Variants in ASH1L observed in about 807,000 individuals in gnomAD.
ASH1L encodes ASH1 like histone lysine methyltransferase.
ASH1L carries 23 observed loss-of-function variants against 269.0 expected under a neutral mutation model. The observed-to-expected ratio is 0.09, with a 90% confidence interval of 0.06 to 0.12. The LOEUF is 0.12. ASH1L is among the 10% of genes least tolerant of loss of function. The pLI is 1.00. For missense variants in ASH1L, 2,912 were observed against 3,567.8 expected (o/e 0.82, Z 4.68); for synonymous variants, 1,187 against 1,253.5 (o/e 0.95, Z 1.12).
At chr1:155,426,289 C>T (rs1386205180) in intron 5 of ASH1L, among the ~76,000 whole-genome samples, 3 of 151,788 alleles carry the variant, frequency 2.0e-5, no homozygotes, top group African/African-American at 4.8e-5. Context: ...AGGCTGGTCT[C>T]GAACTCCTGA....
chr1:155,514,848 G>C (rs958858253), intron 2 of ASH1L, among the ~76,000 whole-genome samples: 1 of 152,048 alleles, frequency 6.6e-6, no homozygotes, highest in Non-Finnish European at 1.5e-5. Context: ...AAGTTGCCGA[G>C]GAACTCGGCA....
intron 4 of ASH1L, among the ~76,000 whole-genome samples, chr1:155,454,420 G>A (rs987952159): frequency 6.6e-6 from 1 of 152,138 alleles, no homozygotes; most frequent in African/African-American, 2.4e-5. Context: ...CAAAGATTAT[G>A]GAAGCATTTT....
At chr1:155,521,046 A>T in intron 2 of ASH1L, 54 bp downstream of exon 2, 1 of 1,487,900 alleles carries the variant, frequency 6.7e-7, no homozygotes, top group Non-Finnish European at 9.1e-7. Flanking sequence ...ATAAAAATTA[A>T]TAGGGAAATG....
At chr1:155,388,543 C>G (rs1469641484) in intron 7 of ASH1L, among the ~76,000 whole-genome samples, 3 of 152,054 alleles carry the variant, frequency 2.0e-5, no homozygotes, top group Non-Finnish European at 4.4e-5. Flanking sequence ...CTCAAGCAAT[C>G]CAACAGCCTC....
chr1:155,502,199 T>G (rs1168661410), intron 2 of ASH1L, among the ~76,000 whole-genome samples: 1 of 150,772 alleles, frequency 6.6e-6, no homozygotes, highest in Non-Finnish European at 1.5e-5. Flanking sequence ...GCCTCCCGAG[T>G]AGCTGAGATT....
At chr1:155,525,843 G>A (rs1484584872) in intron 1 of ASH1L, among the ~76,000 whole-genome samples, 1 of 151,660 alleles carries the variant, frequency 6.6e-6, no homozygotes, top group Admixed American at 6.6e-5. Context: ...AAAATCTGAC[G>A]ATGCTCAAGT....
intron 7 of ASH1L, among the ~76,000 whole-genome samples, chr1:155,384,026 AAT>A (rs1657206007): frequency 6.6e-6 from 1 of 152,224 alleles, no homozygotes; most frequent in Non-Finnish European, 1.5e-5. Flanking sequence ...ATTGTATCTT[AAT>A]AAAGTTGCTA....
In ASH1L at chr1:155,488,068, G is replaced by A. The variant is rs570199970; in HGVS notation, c.421-5619C>T. On this transcript the variant is annotated intron_variant, in intron 2 of 27. Transcript: ENST00000392403. ...GGCCCAGCTAATTTTTGAATTTTTA[G>A]TAAAGACGGGGTTTCACCATCTTGG... Among the ~76,000 whole-genome samples, 8 of 151,416 alleles carry A rather than the reference G, an allele frequency of 5.3e-5. No homozygotes were observed. The South Asian group carries it at 1.7e-3, about 32-fold the overall frequency.
intron 1 of ASH1L, among the ~76,000 whole-genome samples, chr1:155,522,209 G>A (rs1668937607): frequency 6.6e-6 from 1 of 152,130 alleles, no homozygotes; most frequent in African/African-American, 2.4e-5. Flanking sequence ...GGCTTTTTGA[G>A]GTTAGGACTC....
At chr1:155,407,038 C>T (rs1659350677) in intron 6 of ASH1L, among the ~76,000 whole-genome samples, 1 of 152,118 alleles carries the variant, frequency 6.6e-6, no homozygotes, top group African/African-American at 2.4e-5. Context: ...GCCTGGCCAA[C>T]ATGGTGAAAC....
Position 155,521,113 on chromosome 1 carries a change from C to G in ASH1L, c.407G>C (p.Cys136Ser), listed in dbSNP as rs1233740479. Residue 136 changes from cysteine (C) to serine (S), a missense_variant, in exon 2 of 28, where the codon TGT (cysteine) becomes TCT (serine). Physicochemically the swap from Cys to Ser is moderately radical, Grantham distance 112 (BLOSUM62 -1). Transcript: ENST00000392403. Reference sequence around the variant, plus strand: ...AATTCTACTTACTCGTTTTGAAGGACAGTGTTCATTCTTTTCATCCGTCAT... The same window carrying G: ...AATTCTACTTACTCGTTTTGAAGGAGAGTGTTCATTCTTTTCATCCGTCAT... The part of the protein sequence containing the change: ...GKMTDEKNEH[C>S]PSKRDPSKLY... 4 of 1,597,458 alleles carry G rather than the reference C, an allele frequency of 2.5e-6. No individual in the cohort carries two copies. The highest frequency in any genetic ancestry group is 1.2e-5 in the South Asian group (1 of 86,780).
intron 2 of ASH1L, among the ~76,000 whole-genome samples, chr1:155,507,779 TGGGA>T (rs1009429416): frequency 6.6e-6 from 1 of 152,032 alleles, no homozygotes; most frequent in African/African-American, 2.4e-5. Context: ...GAAGCTGAGA[TGGGA>T]GGATCACCTA....
chr1:155,449,162 T>C (rs1170410872), intron 4 of ASH1L, among the ~76,000 whole-genome samples: 1 of 150,698 alleles, frequency 6.6e-6, no homozygotes, highest in Admixed American at 6.6e-5. Flanking sequence ...TCTCGATCTC[T>C]TGACCTCATG....
chr1:155,558,104 T>C (rs936114198), intron 1 of ASH1L, among the ~76,000 whole-genome samples: 2 of 152,160 alleles, frequency 1.3e-5, no homozygotes, highest in Admixed American at 1.3e-4. Flanking sequence ...TAATAAAGCA[T>C]GGAGGAAGAC....
intron 7 of ASH1L, among the ~76,000 whole-genome samples, chr1:155,392,963 C>T (rs1204206358): frequency 2.0e-5 from 3 of 151,926 alleles, no homozygotes; most frequent in Admixed American, 6.6e-5. Context: ...GCTGGGATTA[C>T]AAGTGTGAGC....
chr1:155,448,558 C>T (rs1471205678), intron 4 of ASH1L, among the ~76,000 whole-genome samples: 2 of 152,114 alleles, frequency 1.3e-5, no homozygotes, highest in African/African-American at 2.4e-5. Context: ...TGCAATGGTG[C>T]GATCTCAGCT....
At chr1:155,360,445 A>AT in intron 12 of ASH1L, 36 bp from the exon 13 acceptor site, 2 of 1,439,700 alleles carry the variant, frequency 1.4e-6, no homozygotes, top group Non-Finnish European at 1.9e-6. Context: ...AAAGGCTGGA[A>AT]ATTTTTTTTT....
At chr1:155,437,900 G>T (rs543718074) in intron 5 of ASH1L, among the ~76,000 whole-genome samples, 8 of 152,186 alleles carry the variant, frequency 5.3e-5, no homozygotes, top group Non-Finnish European at 1.0e-4. Flanking sequence ...TGTCGCCCAG[G>T]TTGGAGTGCA....
At chr1:155,551,598 T>C (rs1292196328) in intron 1 of ASH1L, among the ~76,000 whole-genome samples, 3 of 138,424 alleles carry the variant, frequency 2.2e-5, no homozygotes, top group Non-Finnish European at 4.6e-5. Context: ...AGGCGGAGCT[T>C]GCAGTGAGCC....
Sources: gnomAD v4.1 joint callset for allele counts (sites outside exome capture counted in the v4.1 genomes callset) on GRCh38, gnomAD v4.1.1 for gene constraint, MANE v1.5 for transcripts, NCBI Gene and HGNC (gene_info 2026-07-23, HGNC 2026-07-21) for gene names.